The following LPP variants were observed in gnomAD, a reference collection of about 807,000 sequenced individuals.
LPP encodes the protein lipoma-preferred partner.
A neutral mutation model predicts 60.4 loss-of-function variants in LPP; 38 were observed. That is an observed-to-expected ratio of 0.63 (90% confidence interval 0.49 to 0.83). LPP has a LOEUF of 0.83. Ranked by LOEUF, LPP falls within the 40% of genes least tolerant of loss-of-function variation. The pLI is 0.00. For synonymous variants in LPP, 328 were observed against 290.8 expected (o/e 1.13, Z -1.30); for missense variants, 902 against 783.6 (o/e 1.15, Z -1.80).
chr3:188,402,894 T>G (rs1782583056), intron 3 of LPP, among the ~76,000 whole-genome samples: 1 of 152,184 alleles, frequency 6.6e-6, no homozygotes, highest in Non-Finnish European at 1.5e-5. Flanking sequence ...GTTAGAGACA[T>G]TTGAGCTGAG....
intron 4 of LPP, among the ~76,000 whole-genome samples, chr3:188,431,356 A>G (rs1166568343): frequency 6.6e-6 from 1 of 152,160 alleles, no homozygotes; most frequent in East Asian, 1.9e-4. Context: ...TGTAGTTGAA[A>G]GCTGGGCACC....
chr3:188,317,667 A>T (rs980800628), intron 2 of LPP, among the ~76,000 whole-genome samples: 1 of 152,156 alleles, frequency 6.6e-6, no homozygotes, highest in Non-Finnish European at 1.5e-5. Flanking sequence ...GCAACTAAGC[A>T]GGGTTGTGAG....
At chr3:188,293,970 G>T (rs926832718) in intron 2 of LPP, among the ~76,000 whole-genome samples, 1 of 149,334 alleles carries the variant, frequency 6.7e-6, no homozygotes, top group Admixed American at 6.8e-5. Flanking sequence ...GGATGGTGAG[G>T]CAGGAGAATG....
chr3:188,799,084 C>T (rs577906141), intron 9 of LPP, among the ~76,000 whole-genome samples: 1 of 152,350 alleles, frequency 6.6e-6, no homozygotes, highest in South Asian at 2.1e-4. Flanking sequence ...AATTAGTCAA[C>T]TGCCTTTTAT....
Position 188,878,264 on chromosome 3 carries a change from A to C in LPP, c.*3785A>C. On this transcript the variant is annotated 3_prime_UTR_variant, in exon 12 of 12. Coordinates refer to ENST00000617246, the MANE Select transcript of LPP (RefSeq NM_001375462.1). Reference sequence around the variant, plus strand: ...CTGCCCCCTGATCCTTCCATTATCAAGTTTTGAAGGGTGTTGGGGAAATTA... The same window carrying C: ...CTGCCCCCTGATCCTTCCATTATCACGTTTTGAAGGGTGTTGGGGAAATTA... 1 of 219,554 alleles carries C rather than the reference A, an allele frequency of 4.6e-6. No individual in the cohort carries two copies. Among genetic ancestry groups the C allele is most frequent in the Non-Finnish European group, 9.1e-6 (1 of 109,338 alleles). 13.6% of individuals were successfully genotyped at this position (219,554 alleles called of 1,614,324 possible).
chr3:188,424,130 G>T (rs1324063974), intron 4 of LPP, among the ~76,000 whole-genome samples: 5 of 152,078 alleles, frequency 3.3e-5, no homozygotes, highest in Non-Finnish European at 7.4e-5. Flanking sequence ...GTTGATTTTT[G>T]TATAAGGTGT....
intron 9 of LPP, among the ~76,000 whole-genome samples, chr3:188,839,835 T>C (rs1490787655): frequency 6.6e-6 from 1 of 152,010 alleles, no homozygotes; most frequent in African/African-American, 2.4e-5. Flanking sequence ...CCGAGATCAC[T>C]CCACTGCACT....
intron 8 of LPP, among the ~76,000 whole-genome samples, chr3:188,743,369 G>A (rs1444892658): frequency 6.6e-6 from 1 of 151,968 alleles, no homozygotes; most frequent in African/African-American, 2.4e-5. Flanking sequence ...TTGAGGCCAG[G>A]TTCCACTTCA....
intron 4 of LPP, among the ~76,000 whole-genome samples, chr3:188,451,738 C>T (rs9810801): frequency 0.96 from 146,289 of 152,250 alleles, 70,372 homozygotes; most frequent in East Asian, 0.99. Flanking sequence ...TGCTATAAGA[C>T]AGAAAATTTA....
chr3:188,194,906 G>GA (rs1436056474), intron 1 of LPP, among the ~76,000 whole-genome samples: 1 of 147,248 alleles, frequency 6.8e-6, no homozygotes, highest in Non-Finnish European at 1.5e-5. Flanking sequence ...GCTTGCTTGA[G>GA]ATCTGTGTCA....
chr3:188,487,448 G>T (rs1291169938), intron 5 of LPP, among the ~76,000 whole-genome samples: 1 of 152,100 alleles, frequency 6.6e-6, no homozygotes, highest in Non-Finnish European at 1.5e-5. Flanking sequence ...TTTTTGAAGA[G>T]GAAGGAAATA....
intron 4 of LPP, among the ~76,000 whole-genome samples, chr3:188,451,924 A>G (rs1796679163): frequency 6.6e-6 from 1 of 152,316 alleles, no homozygotes. Context: ...GCTCTAGAAT[A>G]TGACAGTGAA....
chr3:188,372,666 A>G (rs1055205337), intron 3 of LPP, among the ~76,000 whole-genome samples: 12 of 151,436 alleles, frequency 7.9e-5, no homozygotes, highest in Non-Finnish European at 1.5e-4. Flanking sequence ...TTGAAAATGC[A>G]GAGTAAATAT....
chr3:188,640,224 T>C (rs1849768796), intron 7 of LPP, among the ~76,000 whole-genome samples: 1 of 151,458 alleles, frequency 6.6e-6, no homozygotes, highest in Non-Finnish European at 1.5e-5. Flanking sequence ...TGTAGGGACA[T>C]GGATGAAATT....
intron 5 of LPP, among the ~76,000 whole-genome samples, chr3:188,506,010 C>T (rs1318985005): frequency 6.6e-6 from 1 of 152,154 alleles, no homozygotes; most frequent in Non-Finnish European, 1.5e-5. Flanking sequence ...TCGTCATTGT[C>T]AGCTTCATAT....
chr3:188,177,672 C>T (rs1343850387), intron 1 of LPP, among the ~76,000 whole-genome samples: 1 of 152,082 alleles, frequency 6.6e-6, no homozygotes, highest in African/African-American at 2.4e-5. Context: ...GGTAATTATG[C>T]TGATGTTACC....
intron 9 of LPP, among the ~76,000 whole-genome samples, chr3:188,785,545 T>TAC (rs768464874): frequency 1.7e-5 from 1 of 58,940 alleles, no homozygotes; most frequent in African/African-American, 9.6e-5. Flanking sequence ...CATATATATA[T>TAC]ATACACACAC....
intron 4 of LPP, among the ~76,000 whole-genome samples, chr3:188,422,580 A>T (rs996883381): frequency 9.9e-5 from 15 of 152,194 alleles, no homozygotes; most frequent in African/African-American, 3.6e-4. Flanking sequence ...GATTGTGACT[A>T]GGGAGTTTTC....
At chr3:188,826,961 A>G (rs1260797124) in intron 9 of LPP, among the ~76,000 whole-genome samples, 1 of 152,116 alleles carries the variant, frequency 6.6e-6, no homozygotes, top group African/African-American at 2.4e-5. Context: ...CCCACACTGT[A>G]CTGTTAAGAG....
Sources: allele counts gnomAD v4.1 joint callset (sites outside exome capture counted in the v4.1 genomes callset), GRCh38; gene constraint gnomAD v4.1.1; transcripts MANE v1.5; gene names NCBI Gene and HGNC (gene_info 2026-07-23, HGNC 2026-07-21).